Variants in GRIK4 observed in about 807,000 individuals in gnomAD.
GRIK4 encodes glutamate ionotropic receptor kainate type subunit 4, also known as glutamate receptor ionotropic, kainate 4.
GRIK4 carries 40 observed loss-of-function variants against 104.9 expected under a neutral mutation model. The observed-to-expected ratio is 0.38, with a 90% CI of 0.30 to 0.50. GRIK4 has a LOEUF of 0.50. Among genes scored for constraint, GRIK4 ranks in the 20% least tolerant of loss-of-function variants. GRIK4 has a pLI of 0.93. For synonymous variants in GRIK4, 485 were observed against 524.9 expected (o/e 0.92, Z 1.04); for missense variants, 1,047 against 1,308.1 (o/e 0.80, Z 3.08).
At chr11:120,667,956 G>T (rs1326465376) in intron 3 of GRIK4, among the ~76,000 whole-genome samples, 1 of 152,186 alleles carries the variant, frequency 6.6e-6, no homozygotes, top group Non-Finnish European at 1.5e-5. Context: ...GGTTCATCGT[G>T]TCTGTAGTCC....
intron 2 of GRIK4, among the ~76,000 whole-genome samples, chr11:120,657,987 C>T (rs1321699764): frequency 6.6e-6 from 1 of 152,186 alleles, no homozygotes; most frequent in Non-Finnish European, 1.5e-5. Flanking sequence ...CATTCTCTAC[C>T]CTAACCATGA....
At chr11:120,876,206 C>CCATCATCAT (rs1002488387) in intron 11 of GRIK4, among the ~76,000 whole-genome samples, 1 of 148,196 alleles carries the variant, frequency 6.7e-6, no homozygotes. Flanking sequence ...ACAACCACCA[C>CCATCATCAT]CATCATCATC....
chr11:120,823,909 G>C (rs1953187999), intron 6 of GRIK4, among the ~76,000 whole-genome samples: 1 of 152,162 alleles, frequency 6.6e-6, no homozygotes, highest in Non-Finnish European at 1.5e-5. Flanking sequence ...GAGCAGGGAA[G>C]GTGGAGCAGA....
rs1021900439 is a variant in GRIK4 at position 120,513,930 on chromosome 11, A to G, written c.-159+2043A>G. Among the ~76,000 whole-genome samples the G allele has an allele frequency of 2.0e-5, 3 of 152,074 alleles. No individual in the cohort carries two copies. The highest frequency in any genetic ancestry group is 4.8e-5 in the African/African-American group (2 of 41,412). On this transcript the variant is annotated intron_variant, in intron 1 of 20. Coordinates refer to ENST00000527524, the MANE Select transcript of GRIK4 (RefSeq NM_014619.5). This position sits in a 1 kb window ranked among gnomAD's most constrained non-coding sequence, Gnocchi z 4.5. ...GGGTCGGCTTCGTGGTCTGATTTCC[A>G]CTTTGGTTTTCCCTTAGGATGGAGA...
chr11:120,915,581 A>G (rs893441864), intron 13 of GRIK4, among the ~76,000 whole-genome samples: 9 of 151,216 alleles, frequency 6.0e-5, no homozygotes, highest in Non-Finnish European at 1.3e-4. Context: ...CCAATGCCCT[A>G]CCTGCGCTCG....
At chr11:120,665,015 A>T (rs1949887489) in intron 3 of GRIK4, among the ~76,000 whole-genome samples, 1 of 151,944 alleles carries the variant, frequency 6.6e-6, no homozygotes, top group African/African-American at 2.4e-5. Flanking sequence ...TATAACTGTA[A>T]TTTTTTACTT....
intron 1 of GRIK4, among the ~76,000 whole-genome samples, chr11:120,618,642 C>T (rs1264834750): frequency 6.6e-6 from 1 of 152,234 alleles, no homozygotes; most frequent in Non-Finnish European, 1.5e-5. Context: ...CCTTGCACAG[C>T]ATCAGGACAC....
chr11:120,823,954 A>C (rs1462522540), intron 6 of GRIK4, among the ~76,000 whole-genome samples: 1 of 152,228 alleles, frequency 6.6e-6, no homozygotes, highest in Non-Finnish European at 1.5e-5. Context: ...TTAAAAATCT[A>C]ATCAAGGGAT....
intron 13 of GRIK4, among the ~76,000 whole-genome samples, chr11:120,933,476 T>C (rs898824534): frequency 6.6e-6 from 1 of 152,168 alleles, no homozygotes; most frequent in African/African-American, 2.4e-5. Flanking sequence ...GGTACTCTTA[T>C]TATACCCGCG....
intron 3 of GRIK4, among the ~76,000 whole-genome samples, chr11:120,681,774 A>G (rs987510063): frequency 6.6e-6 from 1 of 152,212 alleles, no homozygotes; most frequent in African/African-American, 2.4e-5. Context: ...GAAGGGGCAG[A>G]AATGGGCTGG....
intron 3 of GRIK4, among the ~76,000 whole-genome samples, chr11:120,671,698 G>GT (rs1251744105): frequency 2.0e-5 from 3 of 152,226 alleles, no homozygotes; most frequent in South Asian, 4.1e-4. Flanking sequence ...TCTGATGATA[G>GT]TTTTTTTGCT....
chr11:120,840,382 A>G (rs1313091818), intron 8 of GRIK4, among the ~76,000 whole-genome samples: 1 of 152,174 alleles, frequency 6.6e-6, no homozygotes, highest in Non-Finnish European at 1.5e-5. Flanking sequence ...TGATCAGTGA[A>G]ACAGCATCAT....
intron 3 of GRIK4, among the ~76,000 whole-genome samples, chr11:120,736,757 A>G (rs1951228757): frequency 1.3e-5 from 2 of 151,944 alleles, no homozygotes; most frequent in African/African-American, 4.8e-5. Flanking sequence ...TTAATTACAT[A>G]TATTCTCTCT....
At chr11:120,551,307 C>A (rs1348887328) in intron 1 of GRIK4, among the ~76,000 whole-genome samples, 1 of 152,160 alleles carries the variant, frequency 6.6e-6, no homozygotes, top group African/African-American at 2.4e-5. Flanking sequence ...TTCTCCTGCC[C>A]GCTTTTCACC....
chr11:120,659,702 C>A (rs948968038), intron 2 of GRIK4, among the ~76,000 whole-genome samples: 1 of 152,186 alleles, frequency 6.6e-6, no homozygotes, highest in East Asian at 1.9e-4. Flanking sequence ...CTTCTGCTCA[C>A]CCATGGCTCC....
chr11:120,792,745 A>C (rs1398936648), intron 3 of GRIK4, among the ~76,000 whole-genome samples: 1 of 152,136 alleles, frequency 6.6e-6, no homozygotes, highest in Admixed American at 6.5e-5. Flanking sequence ...AGAATCTAGG[A>C]GGGAAGAGGT....
intron 3 of GRIK4, among the ~76,000 whole-genome samples, chr11:120,690,291 A>G (rs1000255520): frequency 5.9e-5 from 9 of 152,362 alleles, no homozygotes; most frequent in African/African-American, 2.2e-4. Context: ...GTTTGTGGGT[A>G]GTGTTCACAT....
At chr11:120,603,299 C>T (rs4936528) in intron 1 of GRIK4, among the ~76,000 whole-genome samples, 1 of 152,076 alleles carries the variant, frequency 6.6e-6, no homozygotes, top group Non-Finnish European at 1.5e-5. Context: ...TTGGCTTGGT[C>T]GGCTCGAGAG....
intron 1 of GRIK4, among the ~76,000 whole-genome samples, chr11:120,638,193 A>T (rs76288674): frequency 9.7e-4 from 147 of 152,100 alleles, no homozygotes; most frequent in East Asian, 8.9e-3. Flanking sequence ...TTTTATTATT[A>T]ATTTAACAAT....
Sources: allele counts gnomAD v4.1 joint callset (sites outside exome capture counted in the v4.1 genomes callset), GRCh38; gene constraint gnomAD v4.1.1; non-coding constraint Gnocchi (gnomAD v3.1); transcripts MANE v1.5; gene names NCBI Gene and HGNC (gene_info 2026-07-23, HGNC 2026-07-21).